SPIN1: variants seen among roughly 807,000 people sequenced by gnomAD.
The protein encoded by SPIN1 is spindlin-1.
A neutral mutation model predicts 26.0 loss-of-function variants in SPIN1; 3 were observed. That is an observed-to-expected ratio of 0.12 (90% CI 0.05 to 0.30). SPIN1 has a LOEUF of 0.30. SPIN1 is among the 10% of genes least tolerant of loss of function. The probability of loss-of-function intolerance (pLI) is 1.00; values close to 1 mark genes in which losing one functional copy is unlikely to be tolerated. For missense variants in SPIN1, 126 were observed against 333.4 expected (o/e 0.38, Z 4.84); for synonymous variants, 101 against 116.5 (o/e 0.87, Z 0.86).
At chr9:88,459,536 TTC>T (rs1469664324) in intron 3 of SPIN1, among the ~76,000 whole-genome samples, 1 of 149,798 alleles carries the variant, frequency 6.7e-6, no homozygotes, top group Non-Finnish European at 1.5e-5. Flanking sequence ...CTAATTTTAA[TTC>T]TTTTTTGATC....
intron 2 of SPIN1, among the ~76,000 whole-genome samples, chr9:88,437,822 TC>T (rs1467949954): frequency 1.3e-5 from 2 of 152,182 alleles, no homozygotes; most frequent in Non-Finnish European, 2.9e-5. Flanking sequence ...AATATTCTCT[TC>T]TTTTTCTAGT....
At chr9:88,457,891 AAGAT>A in intron 3 of SPIN1, 1 of 984,976 alleles carries the variant, frequency 1.0e-6, no homozygotes, top group Non-Finnish European at 1.2e-6. Context: ...AAAAGTTACT[AAGAT>A]AGTAGCAAAA....
chr9:88,427,845 C>T (rs1020589478), intron 2 of SPIN1, among the ~76,000 whole-genome samples: 8 of 152,010 alleles, frequency 5.3e-5, no homozygotes, highest in African/African-American at 1.2e-4. Context: ...GTGATCCTCC[C>T]GCGTCAGCCT....
intron 3 of SPIN1, among the ~76,000 whole-genome samples, chr9:88,454,212 CTCTT>C (rs1828423079): frequency 6.6e-6 from 1 of 152,130 alleles, no homozygotes; most frequent in African/African-American, 2.4e-5. Flanking sequence ...ATATTTTAGA[CTCTT>C]TCCCAAGAAA....
At chr9:88,435,868 A>G (rs542985468) in intron 2 of SPIN1, among the ~76,000 whole-genome samples, 2 of 152,092 alleles carry the variant, frequency 1.3e-5, no homozygotes, top group Admixed American at 6.6e-5. Context: ...CTTCTAGGTT[A>G]TATCTATGGT....
At chr9:88,456,571 A>C (rs528968411) in intron 3 of SPIN1, among the ~76,000 whole-genome samples, 1 of 152,222 alleles carries the variant, frequency 6.6e-6, no homozygotes, top group Non-Finnish European at 1.5e-5. Flanking sequence ...ATTTAAAGAT[A>C]CCTGTCACTT....
At chr9:88,457,534 T>A (rs1217672871) in intron 3 of SPIN1, among the ~76,000 whole-genome samples, 1 of 151,692 alleles carries the variant, frequency 6.6e-6, no homozygotes, top group African/African-American at 2.4e-5. Context: ...TCTCAAAAAA[T>A]AATAATAAAT....
At chr9:88,398,544 A>G (rs1011101888) in intron 1 of SPIN1, among the ~76,000 whole-genome samples, 1 of 152,040 alleles carries the variant, frequency 6.6e-6, no homozygotes, top group Admixed American at 6.6e-5. Context: ...GGTGTTTGTC[A>G]TACAGTGATT....
chr9:88,389,236 G>GT (rs1414563948), intron 1 of SPIN1: 1 of 152,260 alleles, frequency 6.6e-6, no homozygotes, highest in Non-Finnish European at 1.5e-5. Flanking sequence ...CGGCGAACGG[G>GT]TTGCGTGCTC....
chr9:88,427,884 C>G (rs1041352057), intron 2 of SPIN1, among the ~76,000 whole-genome samples: 1 of 152,164 alleles, frequency 6.6e-6, no homozygotes, highest in African/African-American at 2.4e-5. Context: ...CAGGTGTGAG[C>G]CACTGCGCCT....
intron 1 of SPIN1, among the ~76,000 whole-genome samples, chr9:88,396,923 T>A (rs1827075447): frequency 6.6e-6 from 1 of 151,968 alleles, no homozygotes; most frequent in Admixed American, 6.6e-5. Flanking sequence ...TAAACATATC[T>A]AAGGACAGAG....
intron 1 of SPIN1, among the ~76,000 whole-genome samples, chr9:88,394,609 C>T (rs999757116): frequency 6.6e-6 from 1 of 152,056 alleles, no homozygotes; most frequent in African/African-American, 2.4e-5. Flanking sequence ...GAAAATAACA[C>T]TAATAAGCAA....
At chr9:88,432,294 A>G (rs1488797462) in intron 2 of SPIN1, among the ~76,000 whole-genome samples, 5 of 149,768 alleles carry the variant, frequency 3.3e-5, no homozygotes, top group Non-Finnish European at 5.9e-5. Context: ...GGCTCAAGCA[A>G]TTGTCCTGTC....
chr9:88,459,220 G>A (rs1264008322), intron 3 of SPIN1, among the ~76,000 whole-genome samples: 1 of 152,070 alleles, frequency 6.6e-6, no homozygotes, highest in South Asian at 2.1e-4. Flanking sequence ...TGGATCTTTG[G>A]CTTAGAAATC....
chr9:88,414,658 C>A (rs1051273365), intron 1 of SPIN1, among the ~76,000 whole-genome samples: 1 of 152,102 alleles, frequency 6.6e-6, no homozygotes, highest in East Asian at 1.9e-4. Context: ...TGAGCTACAA[C>A]AAATGCAATG....
intron 1 of SPIN1, among the ~76,000 whole-genome samples, chr9:88,392,141 GATTTCC>G (rs2117856899): frequency 6.6e-6 from 1 of 152,232 alleles, no homozygotes; most frequent in South Asian, 2.1e-4. Flanking sequence ...AGTAGATGTT[GATTTCC>G]TTCTCCTTTC....
At chr9:88,417,122 A>G (rs1271249384) in intron 1 of SPIN1, among the ~76,000 whole-genome samples, 5 of 152,240 alleles carry the variant, frequency 3.3e-5, no homozygotes, top group Admixed American at 2.6e-4. Context: ...TACATGCCAT[A>G]TTTAAGAAAG....
intron 2 of SPIN1, among the ~76,000 whole-genome samples, chr9:88,447,930 A>G (rs1828283694): frequency 6.6e-6 from 1 of 152,228 alleles, no homozygotes; most frequent in South Asian, 2.1e-4. Context: ...ATCAGCCAGC[A>G]TCTGAAACCA....
rs150299311 is a variant in SPIN1, at chr9:88,435,673, T to G, written c.52+9082T>G. On this transcript the variant is annotated intron_variant, in intron 2 of 5. Coordinates refer to ENST00000375859, the MANE Select transcript of SPIN1 (RefSeq NM_006717.3). ...CATCTATTTTTCTTTATTACTTGCA[T>G]AAGGTTTTTTTACATCAGAGTTATT... 7.4e-3 allele frequency among the ~76,000 whole-genome samples: 1,126 copies of G among 152,282 alleles called. 14 individuals are homozygous for G. Among genetic ancestry groups the G allele is most frequent in the African/African-American group, 0.025 (1,054 of 41,542 alleles).
Sources: allele counts gnomAD v4.1 joint callset (sites outside exome capture counted in the v4.1 genomes callset), GRCh38; gene constraint gnomAD v4.1.1; transcripts MANE v1.5; gene names NCBI Gene and HGNC (gene_info 2026-07-23, HGNC 2026-07-21).